Variants in MN1 observed in about 807,000 individuals in gnomAD.
MN1 encodes MN1 proto-oncogene, transcriptional regulator.
In MN1, 19 loss-of-function variants were observed where a neutral mutation model predicts 86.9. The observed-to-expected ratio is 0.22, with a 90% CI of 0.15 to 0.32. The LOEUF is 0.32. Among genes scored for constraint, MN1 ranks in the 10% least tolerant of loss-of-function variants. The pLI, the probability that MN1 is intolerant of heterozygous loss-of-function variation, is 1.00. For missense variants in MN1, 1,841 were observed against 1,862.0 expected (o/e 0.99, Z 0.21); for synonymous variants, 928 against 849.6 (o/e 1.09, Z -1.60).
At chr22:27,780,709 C>T (rs1238795651) in intron 1 of MN1, among the ~76,000 whole-genome samples, 2 of 152,176 alleles carry the variant, frequency 1.3e-5, no homozygotes, top group Non-Finnish European at 2.9e-5. Context: ...AACTCTCACG[C>T]ACATCCCCTC....
In MN1 at chr22:27,749,334, G is replaced by C. The variant is rs554922651; in HGVS notation, c.*1581C>G. The C allele has an allele frequency of 2.2e-5, 5 of 232,250 alleles. No homozygotes were observed. The highest frequency in any genetic ancestry group is 1.8e-4 in the South Asian group (1 of 5,506). 14.4% of individuals were successfully genotyped at this position (232,250 alleles called of 1,614,324 possible). A position where few individuals can be genotyped will look rare whatever the true frequency, so the allele number is the denominator to read the frequency against. On this transcript the variant is annotated 3_prime_UTR_variant, in exon 2 of 2. Coordinates refer to ENST00000302326, the MANE Select transcript of MN1 (RefSeq NM_002430.3). ...ATCTGCAAACTCTGAGGACCTGGAGGGGGTGGGGGAGCTCAAAGTGGAGCG... is the reference window on the plus strand; with the variant it reads ...ATCTGCAAACTCTGAGGACCTGGAGCGGGTGGGGGAGCTCAAAGTGGAGCG...
At chr22:27,781,179 C>A (rs1181223876) in intron 1 of MN1, among the ~76,000 whole-genome samples, 1 of 152,210 alleles carries the variant, frequency 6.6e-6, no homozygotes, top group Non-Finnish European at 1.5e-5. Flanking sequence ...GATCCAGCAG[C>A]CTTGGCCTCC....
rs117581466 is a variant in MN1, at chr22:27,789,065, G to A, written c.3781+7698C>T. Among the ~76,000 whole-genome samples, 490 of 152,278 alleles carry A rather than the reference G, an allele frequency of 3.2e-3. 3 individuals carry two copies. Among genetic ancestry groups the A allele is most frequent in the Middle Eastern group, 6.8e-3 (2 of 294 alleles). On this transcript the variant is annotated intron_variant, in intron 1 of 1. Coordinates refer to ENST00000302326, the MANE Select transcript of MN1 (RefSeq NM_002430.3). ...TTAGTTCTCATGAGTCAGGCTGCTC[G>A]AAGAGCGAGCAGGAAAAACAAAGCT...
intron 1 of MN1, among the ~76,000 whole-genome samples, chr22:27,760,330 G>C (rs1932826523): frequency 6.6e-6 from 1 of 151,910 alleles, no homozygotes; most frequent in Non-Finnish European, 1.5e-5. Flanking sequence ...GGGCCACAGA[G>C]CAAGACTCCG....
intron 1 of MN1, among the ~76,000 whole-genome samples, chr22:27,753,413 T>G (rs1205243916): frequency 2.0e-5 from 3 of 152,164 alleles, no homozygotes; most frequent in Non-Finnish European, 2.9e-5. Flanking sequence ...GGGGATGATG[T>G]CATCTCCCCT....
chr22:27,801,537 G>C lies in MN1; in HGVS notation c.-994C>G, dbSNP rs1933443116. 5.5e-6 allele frequency: 1 copy of C among 183,342 alleles called. No homozygotes were observed. The highest frequency in any genetic ancestry group is 6.3e-5 in the Admixed American group (1 of 15,982). The allele number at this position is 183,342 out of a possible 1,614,324, so 11.4% of individuals were successfully genotyped here. ...GAGTCCCTCTCGGACCTGAGGGAGGGGGGCGTACGCGGGTCGGGGGGCCAC... is the reference window on the plus strand; with the variant it reads ...GAGTCCCTCTCGGACCTGAGGGAGGCGGGCGTACGCGGGTCGGGGGGCCAC... On this transcript the variant is annotated 5_prime_UTR_variant, in exon 1 of 2. Coordinates refer to ENST00000302326, the MANE Select transcript of MN1 (RefSeq NM_002430.3).
At chr22:27,789,569 G>A (rs773232639) in intron 1 of MN1, among the ~76,000 whole-genome samples, 38 of 152,214 alleles carry the variant, frequency 2.5e-4, no homozygotes, top group Non-Finnish European at 4.9e-4. Flanking sequence ...ATGAGAACAC[G>A]AAAACGTGAT....
chr22:27,759,083 C>T (rs1210199784), intron 1 of MN1, among the ~76,000 whole-genome samples: 2 of 152,150 alleles, frequency 1.3e-5, no homozygotes. Flanking sequence ...CTGCCTTGGC[C>T]TCCCAAAGTG....
Position 27,750,766 on chromosome 22 carries a change from A to G in MN1, c.*149T>C. ...CTTTCCGGTCCATATGCCACTAAGC[A>G]GGTACCAACCTAGAGAAAAAAAAAA... On this transcript the variant is annotated 3_prime_UTR_variant, in exon 2 of 2. Coordinates refer to ENST00000302326, the MANE Select transcript of MN1 (RefSeq NM_002430.3). The G allele has an allele frequency of 1.7e-6, 1 of 588,974 alleles. No individual in the cohort carries two copies. The highest frequency in any genetic ancestry group is 3.1e-5 in the East Asian group (1 of 31,800). 36.5% of individuals were successfully genotyped at this position (588,974 alleles called of 1,614,324 possible). A position where few individuals can be genotyped will look rare whatever the true frequency, so the allele number is the denominator to read the frequency against.
chr22:27,763,675 C>T (rs1301251740), intron 1 of MN1, among the ~76,000 whole-genome samples: 3 of 152,224 alleles, frequency 2.0e-5, no homozygotes, highest in Non-Finnish European at 4.4e-5. Flanking sequence ...CCACTAACAA[C>T]GTGGCAATGA....
At chr22:27,793,591 A>T (rs1350271574) in intron 1 of MN1, among the ~76,000 whole-genome samples, 3 of 152,126 alleles carry the variant, frequency 2.0e-5, no homozygotes, top group Non-Finnish European at 4.4e-5. Flanking sequence ...CATTATATAA[A>T]AGTTGTTGGG....
At chr22:27,776,245 C>G (rs2146304340) in intron 1 of MN1, among the ~76,000 whole-genome samples, 1 of 152,276 alleles carries the variant, frequency 6.6e-6, no homozygotes, top group South Asian at 2.1e-4. Flanking sequence ...GGGGCAGGCT[C>G]TCTTGGGGGA....
At chr22:27,793,866 T>A (rs1933248310) in intron 1 of MN1, among the ~76,000 whole-genome samples, 1 of 152,226 alleles carries the variant, frequency 6.6e-6, no homozygotes, top group South Asian at 2.1e-4. Flanking sequence ...TACCGACTAG[T>A]ATTTTGTCAT....
chr22:27,799,437 G>C lies in MN1; in HGVS notation c.1107C>G (p.Val369=). 6.8e-7 allele frequency: 1 copy of C among 1,472,110 alleles called. No homozygotes were observed. The highest frequency in any genetic ancestry group is 9.0e-7 in the Non-Finnish European group (1 of 1,115,432). 91.2% of individuals were successfully genotyped at this position (1,472,110 alleles called of 1,614,324 possible). A position where few individuals can be genotyped will look rare whatever the true frequency, so the allele number is the denominator to read the frequency against. ...QQPPPPPGLL[V]RQNSCPPALP... ...GCGCAGGCGGGCACGAATTTTGTCG[G>C]ACTAGAAGCCCGGGTGGCGGCGGCG... The change falls in exon 1 of 2, where the codon GTC becomes GTG. Residue 369 remains valine (V), a synonymous_variant. Coordinates refer to ENST00000302326, the MANE Select transcript of MN1 (RefSeq NM_002430.3).
intron 1 of MN1, among the ~76,000 whole-genome samples, chr22:27,768,461 C>T (rs771717362): frequency 2.0e-5 from 3 of 152,188 alleles, no homozygotes; most frequent in Non-Finnish European, 4.4e-5. Flanking sequence ...ACAGAGAGTA[C>T]TGCTTGGTGT....
In MN1 at chr22:27,798,009, G is replaced by T. The variant is rs372574119; in HGVS notation, c.2535C>A (p.Asn845Lys). 1 of 1,603,682 alleles carries T rather than the reference G, an allele frequency of 6.2e-7. No individual in the cohort carries two copies. Among genetic ancestry groups the T allele is most frequent in the African/African-American group, 1.3e-5 (1 of 74,456 alleles). The change falls in exon 1 of 2, where the codon AAC (asparagine) becomes AAA (lysine). Residue 845 changes from asparagine (N) to lysine (K), a missense_variant. Asn to Lys is a moderately conservative substitution (Grantham distance 94). Transcript: ENST00000302326. The stretch of plus-strand genomic sequence containing the variant: ...GCGGGTTCTTCTTGTTGAAGGTCAC[G>T]TTGAGGTTGGGGGCCCCGAGGCTGG... ...MIASLGAPNL[N>K]VTFNKKNPPE... is the part of the protein sequence containing the mutation.
intron 1 of MN1, among the ~76,000 whole-genome samples, chr22:27,760,391 C>T (rs1246263008): frequency 6.6e-6 from 1 of 152,016 alleles, no homozygotes; most frequent in Non-Finnish European, 1.5e-5. Flanking sequence ...TGCTGGTAGT[C>T]CCAGCTGCTT....
intron 1 of MN1, among the ~76,000 whole-genome samples, chr22:27,772,147 G>T (rs934633311): frequency 2.6e-5 from 4 of 152,178 alleles, no homozygotes; most frequent in African/African-American, 9.6e-5. Flanking sequence ...CGCTGCTGTG[G>T]GTTTAAGTCC....
chr22:27,785,056 C>CCACACACACACACACA (rs57257445), intron 1 of MN1, among the ~76,000 whole-genome samples: 198 of 144,910 alleles, frequency 1.4e-3, no homozygotes, highest in Non-Finnish European at 2.4e-3. Flanking sequence ...CTGGCATCCG[C>CCACACACACACACACA]CACACACACA....
Sources: allele counts gnomAD v4.1 joint callset (sites outside exome capture counted in the v4.1 genomes callset), GRCh38; gene constraint gnomAD v4.1.1; transcripts MANE v1.5; gene names NCBI Gene and HGNC (gene_info 2026-07-23, HGNC 2026-07-21).